Variants in PNPLA7 observed in about 807,000 individuals in gnomAD.
PNPLA7 encodes the protein patatin like domain 7, lysophospholipase.
In PNPLA7, 153 loss-of-function variants were observed where a neutral mutation model predicts 161.7. The ratio of observed to expected loss-of-function variants is 0.95; its 90% CI spans 0.83 to 1.08. PNPLA7 has a LOEUF of 1.08. Among genes scored for constraint, PNPLA7 ranks in the 50% least tolerant of loss-of-function variants. PNPLA7 has a pLI of 0.00. For synonymous variants in PNPLA7, 809 were observed against 782.1 expected (o/e 1.03, Z -0.57); for missense variants, 1,739 against 1,856.6 (o/e 0.94, Z 1.16).
intron 21 of PNPLA7, among the ~76,000 whole-genome samples, chr9:137,482,878 T>C (rs1236906561): frequency 6.6e-6 from 1 of 152,238 alleles, no homozygotes; most frequent in African/African-American, 2.4e-5. Flanking sequence ...GGTTTTTTGT[T>C]TGTTTTTGTT....
rs1834577337 is a variant in PNPLA7, at chr9:137,516,467, C to A, written c.1085-948G>T. 18 of 985,222 alleles carry A rather than the reference C, an allele frequency of 1.8e-5. No homozygotes were observed. In the South Asian group the frequency reaches 7.5e-4, roughly 41 times the overall value. 61.0% of individuals were successfully genotyped at this position (985,222 alleles called of 1,614,324 possible). A position where few individuals can be genotyped will look rare whatever the true frequency, so the allele number is the denominator to read the frequency against. The stretch of plus-strand genomic sequence containing the variant: ...CTGCTGCCCCATCAAGTCACATGGA[C>A]CTAATCCAGTGAAAGAAATGCCATT... On this transcript the variant is annotated intron_variant, in intron 11 of 34. Coordinates refer to ENST00000406427, the MANE Select transcript of PNPLA7 (RefSeq NM_001098537.3).
rs1010603305 is a variant in PNPLA7, at chr9:137,499,914, G to A, written c.1757+777C>T. On this transcript the variant is annotated intron_variant, in intron 16 of 34. Transcript: ENST00000406427. The surrounding 1 kb of genome is among the most constrained non-coding windows in gnomAD (Gnocchi z 5.5). The stretch of plus-strand genomic sequence containing the variant: ...GCAGACATCTGGCCTATGAGGGTGC[G>A]GAGGACTTCCAGAAAACACACACAG... Among the ~76,000 whole-genome samples, 6 of 152,392 alleles carry A rather than the reference G, an allele frequency of 3.9e-5. No individual in the cohort carries two copies. The highest frequency in any genetic ancestry group is 6.5e-5 in the Admixed American group (1 of 15,312).
rs749577242 is a variant in PNPLA7, at chr9:137,543,434, A to T, written c.504T>A (p.Val168=). Residue 168 remains valine, a splice_region_variant and synonymous_variant, in exon 6 of 35, where the codon GTT becomes GTA. Transcript: ENST00000406427. This position sits in a 1 kb window ranked among gnomAD's most constrained non-coding sequence, Gnocchi z 6.9. ...PSEVLYMLKN[V]RVLGHFEKPL... ...CCGGGGCTCATCCCCGCTCTTACCG[A>T]ACGTTTTTCAGCATGTACAGAACTT... The T allele has an allele frequency of 2.5e-6, 4 of 1,614,000 alleles. No individual in the cohort carries two copies. The highest frequency in any genetic ancestry group is 3.4e-6 in the Non-Finnish European group (4 of 1,180,012).
intron 1 of PNPLA7, 25 bp downstream of exon 1, chr9:137,550,143 G>T (rs745449610): frequency 1.2e-6 from 2 of 1,612,638 alleles, no homozygotes; most frequent in East Asian, 2.2e-5. Context: ...GGAAATCCAG[G>T]CATCTGGTCC....
rs1831583679 is a variant in PNPLA7 at position 137,468,658 on chromosome 9, T to C, written c.2883-1185A>G. 6.6e-6 allele frequency among the ~76,000 whole-genome samples: 1 copy of C among 151,844 alleles called. No homozygotes were observed. The highest frequency in any genetic ancestry group is 2.1e-4 in the South Asian group (1 of 4,798). On this transcript the variant is annotated intron_variant, in intron 25 of 34. Coordinates refer to ENST00000406427, the MANE Select transcript of PNPLA7 (RefSeq NM_001098537.3). This position sits in a 1 kb window ranked among gnomAD's most constrained non-coding sequence, Gnocchi z 4.0. ...GAGGTAACTGGATCATGGGGGCAGA[T>C]TTGAGGTGGGAAGACGTCAAAGGCT...
intron 11 of PNPLA7, among the ~76,000 whole-genome samples, chr9:137,518,985 C>T (rs1449930747): frequency 6.9e-6 from 1 of 145,050 alleles, no homozygotes; most frequent in East Asian, 2.1e-4. Context: ...CACTCCATCC[C>T]CCACTCACTC....
intron 17 of PNPLA7, 59 bp downstream of exon 17, chr9:137,498,055 C>T (rs1431554763): frequency 2.5e-6 from 4 of 1,580,544 alleles, no homozygotes; most frequent in Middle Eastern, 1.7e-4. Flanking sequence ...TTTGCCCATC[C>T]CCAGCTCCTG....
intron 14 of PNPLA7, among the ~76,000 whole-genome samples, chr9:137,503,937 AGAAG>A (rs1396175726): frequency 3.3e-5 from 5 of 150,678 alleles, no homozygotes. Flanking sequence ...AGGAAGAAGA[AGAAG>A]GAAGAATGAA....
In PNPLA7 at chr9:137,499,084, G is replaced by A. The variant is rs1433825793; in HGVS notation, c.1758-839C>T. Among the ~76,000 whole-genome samples, 1 of 151,930 alleles carries A rather than the reference G, an allele frequency of 6.6e-6. No individual in the cohort carries two copies. The highest frequency in any genetic ancestry group is 2.4e-5 in the African/African-American group (1 of 41,348). ...GCCCTGGGATGCTGGCTGGGGTGACGGCTGCAAGGCACACCATGCACGGAC... is the reference window on the plus strand; with the variant it reads ...GCCCTGGGATGCTGGCTGGGGTGACAGCTGCAAGGCACACCATGCACGGAC... On this transcript the variant is annotated intron_variant, in intron 16 of 34. Transcript: ENST00000406427. The surrounding 1 kb of genome is among the most constrained non-coding windows in gnomAD (Gnocchi z 5.5).
intron 25 of PNPLA7, among the ~76,000 whole-genome samples, chr9:137,477,170 T>G (rs1471908028): frequency 1.3e-5 from 2 of 152,230 alleles, no homozygotes; most frequent in Admixed American, 6.5e-5. Flanking sequence ...CTTACGCACC[T>G]GGCTCAGCAG....
intron 10 of PNPLA7, among the ~76,000 whole-genome samples, chr9:137,521,305 G>A (rs966448439): frequency 3.3e-5 from 5 of 152,212 alleles, no homozygotes; most frequent in Admixed American, 6.5e-5. Context: ...GGCACCAGGC[G>A]GCTGTTCACA....
chr9:137,488,216 G>A (rs1168496488), intron 20 of PNPLA7, among the ~76,000 whole-genome samples: 4 of 151,862 alleles, frequency 2.6e-5, no homozygotes, highest in South Asian at 2.1e-4. Flanking sequence ...CGCGGCTCTC[G>A]CGGTCTGATG....
At chr9:137,488,034 T>C (rs974618590) in intron 20 of PNPLA7, among the ~76,000 whole-genome samples, 1 of 152,210 alleles carries the variant, frequency 6.6e-6, no homozygotes, top group South Asian at 2.1e-4. Flanking sequence ...AGGAAATAAC[T>C]CCCAGATAGC....
At chr9:137,494,954 G>A (rs1038950592) in intron 19 of PNPLA7, 79 bp downstream of exon 19, 20 of 1,322,046 alleles carry the variant, frequency 1.5e-5, no homozygotes, top group Admixed American at 1.4e-4. Context: ...GCCCTCACCC[G>A]CTCCGCCCTC....
At chr9:137,465,481 C>T (rs974390075) in intron 26 of PNPLA7, among the ~76,000 whole-genome samples, 12 of 152,346 alleles carry the variant, frequency 7.9e-5, no homozygotes, top group Non-Finnish European at 1.0e-4. Context: ...GGGACAGGAC[C>T]GGCTCGGAGC....
chr9:137,495,507 G>A (rs556595715), intron 18 of PNPLA7, among the ~76,000 whole-genome samples: 75 of 151,814 alleles, frequency 4.9e-4, no homozygotes, highest in African/African-American at 1.7e-3. Context: ...GCAGTGGTGC[G>A]ATCTCGGCTC....
chr9:137,540,762 G>A lies in PNPLA7; in HGVS notation c.667-40C>T, dbSNP rs1420084443. 1 of 1,568,622 alleles carries A rather than the reference G, an allele frequency of 6.4e-7. No individual in the cohort carries two copies. Among genetic ancestry groups the A allele is most frequent in the Non-Finnish European group, 8.7e-7 (1 of 1,153,130 alleles). ...CAGAGTGGGTGCCGTCAGGTCTGGG[G>A]CTGCGACCGCGGGGCCTGGCGGAGG... On this transcript the variant is annotated intron_variant, in intron 7 of 34. Coordinates refer to ENST00000406427, the MANE Select transcript of PNPLA7 (RefSeq NM_001098537.3). This position sits in a 1 kb window ranked among gnomAD's most constrained non-coding sequence, Gnocchi z 5.1.
chr9:137,460,458 G>A lies in PNPLA7; in HGVS notation c.3964C>T (p.Arg1322Trp), dbSNP rs1157610670. The change falls in exon 35 of 35, where the codon CGG becomes TGG. Residue 1322 changes from arginine (R) to tryptophan (W), a missense_variant. Physicochemically the swap from Arg to Trp is moderately radical, Grantham distance 101. Coordinates refer to ENST00000406427, the MANE Select transcript of PNPLA7 (RefSeq NM_001098537.3). Reference sequence around the variant, plus strand: ...AAAGCCAGACTGGGGTGTCGATGCCGCAGTGAGGACTCGTCCTCCTGCAAG... The same window carrying A: ...AAAGCCAGACTGGGGTGTCGATGCCACAGTGAGGACTCGTCCTCCTGCAAG... ...GSDLEDESSL[R>W]HRHPSLAFPK... 4 of 1,612,480 alleles carry A rather than the reference G, an allele frequency of 2.5e-6. No individual in the cohort carries two copies. The highest frequency in any genetic ancestry group is 2.7e-5 in the African/African-American group (2 of 74,934).
chr9:137,530,805 G>A (rs538724557), intron 8 of PNPLA7, among the ~76,000 whole-genome samples: 2 of 151,626 alleles, frequency 1.3e-5, no homozygotes, highest in South Asian at 2.1e-4. Context: ...GCTCACCTGT[G>A]TAGACCAGGC....
Sources: gnomAD v4.1 joint callset for allele counts (sites outside exome capture counted in the v4.1 genomes callset) on GRCh38, gnomAD v4.1.1 for gene constraint, Gnocchi (gnomAD v3.1) non-coding constraint, MANE v1.5 for transcripts, NCBI Gene and HGNC (gene_info 2026-07-23, HGNC 2026-07-21) for gene names.